The following CDH13 variants were observed in gnomAD, a reference collection of about 807,000 sequenced individuals.
The protein encoded by CDH13 is cadherin 13.
CDH13 carries 24 observed loss-of-function variants against 63.8 expected under a neutral mutation model. The observed-to-expected ratio is 0.38, with a 90% CI of 0.27 to 0.53. The LOEUF is 0.53. CDH13 is among the 20% of genes least tolerant of loss of function. The pLI is 0.85. For synonymous variants in CDH13, 503 were observed against 355.3 expected, an observed-to-expected ratio of 1.42 and a Z score of -4.67; for missense variants, 1,049 against 903.1, an observed-to-expected ratio of 1.16 and a Z score of -2.07.
intron 3 of CDH13, among the ~76,000 whole-genome samples, chr16:83,070,268 C>G (rs199710649): frequency 6.6e-6 from 1 of 152,132 alleles, no homozygotes; most frequent in Non-Finnish European, 1.5e-5. Context: ...ATATTTGATA[C>G]AAGCCACTAT....
intron 5 of CDH13, among the ~76,000 whole-genome samples, chr16:83,264,360 C>G (rs1276581850): frequency 1.3e-5 from 2 of 152,136 alleles, no homozygotes; most frequent in South Asian, 2.1e-4. Context: ...ACTTTTCCAA[C>G]TTGGTTTGGC....
chr16:82,655,488 A>C (rs1911191769), intron 1 of CDH13, among the ~76,000 whole-genome samples: 1 of 152,138 alleles, frequency 6.6e-6, no homozygotes, highest in Non-Finnish European at 1.5e-5. Flanking sequence ...TAGTGAGGCT[A>C]CCGCAGTGTC....
chr16:83,420,312 G>T (rs2071678900), intron 6 of CDH13, among the ~76,000 whole-genome samples: 1 of 152,132 alleles, frequency 6.6e-6, no homozygotes, highest in South Asian at 2.1e-4. Context: ...CAGGAGGTCT[G>T]GCTAGACACA....
chr16:83,293,179 C>T (rs957867314), intron 5 of CDH13, among the ~76,000 whole-genome samples: 2 of 152,126 alleles, frequency 1.3e-5, no homozygotes, highest in Non-Finnish European at 2.9e-5. Context: ...GCGGTCTTTG[C>T]ACTACTCATA....
At chr16:83,039,835 A>G (rs1463495817) in intron 3 of CDH13, among the ~76,000 whole-genome samples, 1 of 152,018 alleles carries the variant, frequency 6.6e-6, no homozygotes, top group Non-Finnish European at 1.5e-5. Context: ...CTCTGTCTGG[A>G]CATTGTTCCT....
chr16:82,847,586 A>G lies in CDH13; in HGVS notation c.46-10776A>G, dbSNP rs117031176. ...GGTTTACGTGATTACATAATCCAGG[A>G]TAAGCATGCTGTTTTAATGTTAGCT... On this transcript the variant is annotated intron_variant, in intron 1 of 13. Transcript: ENST00000567109. 1.2e-3 allele frequency among the ~76,000 whole-genome samples: 181 copies of G among 152,356 alleles called. 2 individuals carry two copies. In the East Asian group the frequency reaches 0.025, roughly 21 times the overall value.
At chr16:83,298,052 AAAAAAAAAAAAG>A (rs1228517746) in intron 5 of CDH13, among the ~76,000 whole-genome samples, 2 of 151,026 alleles carry the variant, frequency 1.3e-5, no homozygotes, top group South Asian at 2.1e-4. Flanking sequence ...TTCTACAAAA[AAAAAAAAAAAAG>A]AAAAAGAAAA....
intron 5 of CDH13, among the ~76,000 whole-genome samples, chr16:83,240,717 C>CTTTTTTTT (rs56753707): frequency 4.9e-5 from 4 of 81,666 alleles, no homozygotes; most frequent in African/African-American, 1.7e-4. Context: ...CTGTCTTAAT[C>CTTTTTTTT]TTTTTTTTTT....
Position 83,271,533 on chromosome 16 carries a change from A to C in CDH13, c.636+54036A>C, listed in dbSNP as rs111946795. Among the ~76,000 whole-genome samples the C allele has an allele frequency of 5.8e-3, 860 of 147,632 alleles. 11 individuals are homozygous for C. The highest frequency in any genetic ancestry group is 0.02 in the African/African-American group (753 of 38,124). On this transcript the variant is annotated intron_variant, in intron 5 of 13. Transcript: ENST00000567109. ...AACAAAACAAAACAACAACAACAAA[A>C]AAAAACGCTGTACCTAGAAGTAACT... is the stretch of plus-strand genomic sequence containing the variant.
chr16:83,313,380 A>C (rs541015389), intron 5 of CDH13, among the ~76,000 whole-genome samples: 1 of 152,234 alleles, frequency 6.6e-6, no homozygotes, highest in Non-Finnish European at 1.5e-5. Flanking sequence ...TCTATATACC[A>C]TTCAGCATAT....
rs374745344 is a variant in CDH13, at chr16:83,378,609, T to C, written c.781+33603T>C. Among the ~76,000 whole-genome samples, 18 of 152,322 alleles carry C rather than the reference T, an allele frequency of 1.2e-4. No homozygotes were observed. In the East Asian group the frequency reaches 2.7e-3, roughly 23 times the overall value. ...CAGTGGAGTGATTAAGACTCTGATA[T>C]GATCCAGTTATTGCTGGACTGGATC... On this transcript the variant is annotated intron_variant, in intron 6 of 13. Transcript: ENST00000567109.
At chr16:82,874,635 AG>A (rs989596095) in intron 2 of CDH13, among the ~76,000 whole-genome samples, 6 of 152,196 alleles carry the variant, frequency 3.9e-5, no homozygotes, top group Non-Finnish European at 7.3e-5. Context: ...CCATAGAGGA[AG>A]GGGGGATTCC....
At chr16:82,960,865 T>G (rs1337125524) in intron 2 of CDH13, among the ~76,000 whole-genome samples, 2 of 152,228 alleles carry the variant, frequency 1.3e-5, no homozygotes, top group African/African-American at 4.8e-5. Context: ...TGATTTTTAA[T>G]TCTAGGAAGA....
chr16:83,763,282 G>T (rs913020835), intron 11 of CDH13, among the ~76,000 whole-genome samples: 3 of 152,170 alleles, frequency 2.0e-5, no homozygotes, highest in African/African-American at 7.2e-5. Flanking sequence ...CTAAGATAAT[G>T]ATTTTTCATA....
intron 3 of CDH13, among the ~76,000 whole-genome samples, chr16:83,050,998 A>T (rs776486414): frequency 3.9e-5 from 6 of 152,170 alleles, no homozygotes; most frequent in Non-Finnish European, 8.8e-5. Context: ...AGTGGTCACA[A>T]CTGGTTTGAA....
intron 3 of CDH13, among the ~76,000 whole-genome samples, chr16:83,119,875 C>G (rs921513001): frequency 3.3e-5 from 5 of 152,172 alleles, no homozygotes; most frequent in African/African-American, 1.2e-4. Flanking sequence ...GAAGTAGACA[C>G]TTGGCCACAA....
intron 2 of CDH13, among the ~76,000 whole-genome samples, chr16:82,882,700 G>T: frequency 6.7e-6 from 1 of 148,824 alleles, no homozygotes; most frequent in Admixed American, 6.7e-5. Context: ...CTTCCTTTTA[G>T]AAAAAACAAA....
chr16:83,388,808 C>G (rs1387156904), intron 6 of CDH13, among the ~76,000 whole-genome samples: 2 of 152,312 alleles, frequency 1.3e-5, no homozygotes, highest in Non-Finnish European at 2.9e-5. Context: ...CTACATTAGC[C>G]TCACCTGGGT....
intron 6 of CDH13, among the ~76,000 whole-genome samples, chr16:83,439,929 C>A (rs540595808): frequency 1.3e-5 from 2 of 152,238 alleles, no homozygotes; most frequent in African/African-American, 4.8e-5. Context: ...TGTAGGTCAA[C>A]AAAACTTAGT....
Sources: allele counts gnomAD v4.1 joint callset (sites outside exome capture counted in the v4.1 genomes callset), GRCh38; gene constraint gnomAD v4.1.1; transcripts MANE v1.5; gene names NCBI Gene and HGNC (gene_info 2026-07-23, HGNC 2026-07-21).